Variants in EPHA6 observed in about 807,000 individuals in gnomAD.
EPHA6 encodes the protein ephrin type-A receptor 6.
A neutral mutation model predicts 112.0 loss-of-function variants in EPHA6; 50 were observed. The observed-to-expected ratio is 0.45, with a 90% CI of 0.36 to 0.56. EPHA6 has a LOEUF of 0.56. Among genes scored for constraint, EPHA6 ranks in the 20% least tolerant of loss-of-function variants. The pLI is 0.00. For synonymous variants in EPHA6, 529 were observed against 490.7 expected (o/e 1.08, Z -1.03); for missense variants, 1,280 against 1,417.4 (o/e 0.90, Z 1.56).
chr3:97,729,109 G>A (rs1226327131), intron 15 of EPHA6, among the ~76,000 whole-genome samples: 1 of 151,898 alleles, frequency 6.6e-6, no homozygotes, highest in Non-Finnish European at 1.5e-5. Context: ...AAAATCTTAG[G>A]CTAAACAACA....
intron 3 of EPHA6, among the ~76,000 whole-genome samples, chr3:97,008,908 T>C (rs2043981635): frequency 6.6e-6 from 1 of 152,028 alleles, no homozygotes; most frequent in Non-Finnish European, 1.5e-5. Flanking sequence ...TGCAGTTTGT[T>C]GGGGGTTTAC....
intron 1 of EPHA6, among the ~76,000 whole-genome samples, chr3:96,865,694 CAAAAAAAAAA>C (rs57565102): frequency 3.7e-5 from 3 of 82,014 alleles, no homozygotes; most frequent in African/African-American, 1.2e-4. Flanking sequence ...AAAAAACAAA[CAAAAAAAAAA>C]AAAAAAAAAA....
At chr3:96,856,269 G>A (rs577690435) in intron 1 of EPHA6, among the ~76,000 whole-genome samples, 1 of 151,978 alleles carries the variant, frequency 6.6e-6, no homozygotes, top group South Asian at 2.1e-4. Flanking sequence ...GGCAGTTTAT[G>A]ACAGAAGCAA....
At chr3:97,344,190 T>C (rs1033773085) in intron 5 of EPHA6, among the ~76,000 whole-genome samples, 1 of 152,098 alleles carries the variant, frequency 6.6e-6, no homozygotes, top group African/African-American at 2.4e-5. Context: ...GACATTAGGA[T>C]TGATGCTGGA....
chr3:97,486,071 T>C (rs2091692091), intron 10 of EPHA6, among the ~76,000 whole-genome samples: 1 of 152,224 alleles, frequency 6.6e-6, no homozygotes, highest in Non-Finnish European at 1.5e-5. Context: ...AAAAGTATAA[T>C]TGATACTGCA....
At chr3:96,883,032 G>T (rs1475223759) in intron 2 of EPHA6, among the ~76,000 whole-genome samples, 1 of 152,078 alleles carries the variant, frequency 6.6e-6, no homozygotes, top group Non-Finnish European at 1.5e-5. Context: ...GTACTAGTTT[G>T]TATTCCCACC....
chr3:96,954,246 G>A (rs1046109772), intron 2 of EPHA6, among the ~76,000 whole-genome samples: 1 of 152,048 alleles, frequency 6.6e-6, no homozygotes, highest in Non-Finnish European at 1.5e-5. Flanking sequence ...CACCTAAATT[G>A]TAAGCCAGAT....
chr3:97,312,362 T>A (rs1361250818), intron 5 of EPHA6, among the ~76,000 whole-genome samples: 2 of 151,562 alleles, frequency 1.3e-5, no homozygotes, highest in African/African-American at 4.8e-5. Flanking sequence ...CTGATTTGCG[T>A]GGAGTGGAGA....
At chr3:97,060,132 AAAC>A (rs1444805879) in intron 3 of EPHA6, among the ~76,000 whole-genome samples, 6 of 152,250 alleles carry the variant, frequency 3.9e-5, no homozygotes, top group African/African-American at 1.2e-4. Context: ...AACAAACAAA[AAAC>A]AAAACAAAAC....
chr3:97,581,385 A>T (rs1287449364), intron 11 of EPHA6, among the ~76,000 whole-genome samples: 1 of 152,164 alleles, frequency 6.6e-6, no homozygotes, highest in East Asian at 1.9e-4. Context: ...ACATGTTGTA[A>T]CTCCCATTTT....
intron 2 of EPHA6, among the ~76,000 whole-genome samples, chr3:96,976,001 T>C (rs113724397): frequency 0.011 from 1,647 of 152,326 alleles, 28 homozygotes; most frequent in African/African-American, 0.037. Context: ...TTACCTATTA[T>C]ATAAAAGCTA....
rs1450319568 is a variant in EPHA6 at position 97,329,401 on chromosome 3, C to G, written c.1607-75749C>G. On this transcript the variant is annotated intron_variant, in intron 5 of 17. Coordinates refer to ENST00000389672, the MANE Select transcript of EPHA6 (RefSeq NM_001080448.3). Reference sequence around the variant, plus strand: ...CCTGAGGAATCGCCACACTGACTTCCACAATGGTTGAACTAGTTTACAGTC... The same window carrying G: ...CCTGAGGAATCGCCACACTGACTTCGACAATGGTTGAACTAGTTTACAGTC... 2.1e-3 allele frequency among the ~76,000 whole-genome samples: 310 copies of G among 150,942 alleles called. 3 individuals carry two copies. Among genetic ancestry groups the G allele is most frequent in the African/African-American group, 7.4e-3 (299 of 40,462 alleles).
At chr3:97,083,500 T>C (rs543187744) in intron 3 of EPHA6, among the ~76,000 whole-genome samples, 1 of 152,180 alleles carries the variant, frequency 6.6e-6, no homozygotes, top group South Asian at 2.1e-4. Flanking sequence ...CTCTGACATA[T>C]GGCAGACCAA....
At chr3:97,736,470 AGTGTGTGTGTGT>A (rs376497031) in intron 16 of EPHA6, among the ~76,000 whole-genome samples, 26 of 118,876 alleles carry the variant, frequency 2.2e-4, no homozygotes, top group African/African-American at 6.2e-4. Context: ...AGAGAGAGAG[AGTGTGTGTGTGT>A]GTGTGTGTGT....
rs75919009 is a variant in EPHA6, at chr3:96,858,293, C to T, written c.386-8532C>T. ...GAGAGCTAAGTTAGGGTTGATACTA[C>T]GCTTAGAGAATTACATGGTTTAGGG... is the stretch of plus-strand genomic sequence containing the variant. On this transcript the variant is annotated intron_variant, in intron 1 of 17. Transcript: ENST00000389672. Among the ~76,000 whole-genome samples the T allele has an allele frequency of 2.0e-3, 306 of 152,070 alleles. 6 individuals are homozygous for T. The East Asian group carries it at 0.037, about 18-fold the overall frequency.
At chr3:97,645,978 G>A (rs2094057984) in intron 14 of EPHA6, 2 of 510,208 alleles carry the variant, frequency 3.9e-6, no homozygotes, top group Admixed American at 4.0e-5. Context: ...GTTGGGTTTT[G>A]TGGGGCAGTT....
chr3:97,387,320 T>G (rs1383088838), intron 5 of EPHA6, among the ~76,000 whole-genome samples: 1 of 151,708 alleles, frequency 6.6e-6, no homozygotes, highest in African/African-American at 2.4e-5. Context: ...AATTCAGTTT[T>G]TTTTTTTTTT....
At chr3:97,508,512 C>T (rs2092300493) in intron 10 of EPHA6, among the ~76,000 whole-genome samples, 1 of 152,144 alleles carries the variant, frequency 6.6e-6, no homozygotes, top group Non-Finnish European at 1.5e-5. Flanking sequence ...TTTGATTGCA[C>T]TGTGGTCTGA....
intron 10 of EPHA6, among the ~76,000 whole-genome samples, chr3:97,528,617 C>T (rs2107639526): frequency 6.6e-6 from 1 of 152,122 alleles, no homozygotes; most frequent in African/African-American, 2.4e-5. Flanking sequence ...GGAGGAAGTA[C>T]CAGAATCTCA....
Sources: gnomAD v4.1 joint callset for allele counts (sites outside exome capture counted in the v4.1 genomes callset) on GRCh38, gnomAD v4.1.1 for gene constraint, MANE v1.5 for transcripts, NCBI Gene and HGNC (gene_info 2026-07-23, HGNC 2026-07-21) for gene names.